The following GINM1 variants were observed in gnomAD, a reference collection of about 807,000 sequenced individuals.
The protein encoded by GINM1 is glycoprotein integral membrane protein 1.
A neutral mutation model predicts 37.8 loss-of-function variants in GINM1; 29 were observed. The observed-to-expected ratio is 0.77, with a 90% CI of 0.57 to 1.05. The LOEUF (loss-of-function observed/expected upper bound fraction) is 1.05. GINM1 is among the 50% of genes least tolerant of loss of function. GINM1 has a pLI of 0.00. For missense variants in GINM1, 377 were observed against 397.9 expected (o/e 0.95, Z 0.45); for synonymous variants, 143 against 146.2 (o/e 0.98, Z 0.16).
At chr6:149,569,913 C>T (rs991037456) in intron 1 of GINM1, among the ~76,000 whole-genome samples, 1 of 151,626 alleles carries the variant, frequency 6.6e-6, no homozygotes, top group Non-Finnish European at 1.5e-5. Flanking sequence ...CCCTGGCTTA[C>T]GAGCCTGAAC....
chr6:149,575,246 C>T (rs1430182483), intron 3 of GINM1, among the ~76,000 whole-genome samples: 4 of 152,206 alleles, frequency 2.6e-5, no homozygotes, highest in African/African-American at 4.8e-5. Context: ...CATTTTCCTT[C>T]GGCCTAAAGA....
rs1210648307 is a variant in GINM1, at chr6:149,566,437, C to T, written c.23C>T (p.Ser8Leu). The change falls in exon 1 of 8, where the codon TCG (serine) becomes TTG (leucine). Residue 8 changes from serine (S) to leucine (L), a missense_variant. By Grantham distance (145) the Ser-to-Leu change is moderately radical. Coordinates refer to ENST00000367419, the MANE Select transcript of GINM1 (RefSeq NM_138785.5). The surrounding 1 kb of genome is among the most constrained non-coding windows in gnomAD (Gnocchi z 4.4). MEGAPPGSLALRLLLFVA... is the reference protein window; with the variant it reads MEGAPPGLLALRLLLFVA... ...AAGATGGAGGGCGCTCCACCGGGGT[C>T]GCTCGCCCTCCGGCTCCTGCTGTTC... 25 of 1,572,448 alleles carry T rather than the reference C, an allele frequency of 1.6e-5. No homozygotes were observed. In the East Asian group the frequency reaches 4.7e-4, roughly 30 times the overall value.
Position 149,572,503 on chromosome 6 carries a change from T to C in GINM1, c.181-4T>C. The C allele has an allele frequency of 6.5e-7, 1 of 1,540,374 alleles. No homozygotes were observed. The highest frequency in any genetic ancestry group is 8.9e-7 in the Non-Finnish European group (1 of 1,125,602). On this transcript the variant is annotated splice_region_variant and splice_polypyrimidine_tract_variant and intron_variant, in intron 2 of 7. Transcript: ENST00000367419. The stretch of plus-strand genomic sequence containing the variant: ...AATTAATGTATATGCTGCTTTATTT[T>C]AAGGTTGTTCTTAACATAACCTATG...
chr6:149,582,570 T>G lies in GINM1; in HGVS notation c.848T>G (p.Ile283Ser). Residue 283 changes from isoleucine to serine, a missense_variant, in exon 7 of 8, where the codon ATC (isoleucine) becomes AGC (serine). Ile to Ser is a moderately radical substitution (Grantham distance 142, BLOSUM62 -2). Coordinates refer to ENST00000367419, the MANE Select transcript of GINM1 (RefSeq NM_138785.5). ...ACAGGAGCAGCTGTGGTAATAACCA[T>G]CTTAAAGGTGTTTTTCCCAGTTTCT... ...GITGAAVVITILKVFFPVSEY... is the reference protein window; with the variant it reads ...GITGAAVVITSLKVFFPVSEY... 2 of 1,591,050 alleles carry G rather than the reference T, an allele frequency of 1.3e-6. No homozygotes were observed. The highest frequency in any genetic ancestry group is 1.7e-6 in the Non-Finnish European group (2 of 1,174,212).
chr6:149,581,334 T>C (rs1331868328), intron 6 of GINM1, among the ~76,000 whole-genome samples: 9 of 152,146 alleles, frequency 5.9e-5, no homozygotes, highest in South Asian at 2.1e-4. Context: ...AATTTTTGTA[T>C]TTTTAGTAGA....
chr6:149,582,423 C>A lies in GINM1; in HGVS notation c.718-17C>A, dbSNP rs373477635. Reference sequence around the variant, plus strand: ...GATTGATGCAACTTGCATATCTAATCGAAATTCCTTTTTCAGGTAATGTGT... The same window carrying A: ...GATTGATGCAACTTGCATATCTAATAGAAATTCCTTTTTCAGGTAATGTGT... On this transcript the variant is annotated splice_polypyrimidine_tract_variant and intron_variant, in intron 6 of 7. Coordinates refer to ENST00000367419, the MANE Select transcript of GINM1 (RefSeq NM_138785.5). The A allele has an allele frequency of 2.5e-6, 4 of 1,595,206 alleles. No homozygotes were observed. Among genetic ancestry groups the A allele is most frequent in the Admixed American group, 1.8e-5 (1 of 54,118 alleles).
chr6:149,576,741 C>T (rs185778334), intron 3 of GINM1, among the ~76,000 whole-genome samples: 58 of 152,228 alleles, frequency 3.8e-4, no homozygotes, highest in African/African-American at 1.0e-3. Flanking sequence ...TTTTGAAAGC[C>T]GCCTACCACA....
intron 1 of GINM1, among the ~76,000 whole-genome samples, chr6:149,570,452 C>A (rs1777802580): frequency 6.6e-6 from 1 of 151,856 alleles, no homozygotes. Context: ...CCGTCTAGAT[C>A]AAGGTGAGCC....
chr6:149,570,190 ATATATAT>A (rs1562269837), intron 1 of GINM1, among the ~76,000 whole-genome samples: 11 of 92,138 alleles, frequency 1.2e-4, no homozygotes, highest in South Asian at 3.3e-4. Context: ...ATATATATAT[ATATATAT>A]AAAGTTCAGT....
At position 149,589,815 on chromosome 6, in the gene GINM1, T is replaced by C. The variant is rs149987067; in HGVS notation, c.882-912T>C. On this transcript the variant is annotated intron_variant, in intron 7 of 7. Coordinates refer to ENST00000367419, the MANE Select transcript of GINM1 (RefSeq NM_138785.5). ...TTACTCTCATGTTTTGTTTTTGTTTTTGAGACAGGGGCTAACTTTGTCACC... is the reference window on the plus strand; with the variant it reads ...TTACTCTCATGTTTTGTTTTTGTTTCTGAGACAGGGGCTAACTTTGTCACC... Among the ~76,000 whole-genome samples the C allele has an allele frequency of 3.5e-3, 532 of 152,202 alleles. 2 individuals carry two copies. Among genetic ancestry groups the C allele is most frequent in the African/African-American group, 0.011 (452 of 41,528 alleles).
intron 1 of GINM1, among the ~76,000 whole-genome samples, chr6:149,568,951 C>G (rs1325686568): frequency 6.6e-6 from 1 of 152,084 alleles, no homozygotes; most frequent in Admixed American, 6.5e-5. Flanking sequence ...CCTATCTCAG[C>G]CTCCTGAGTA....
chr6:149,578,677 C>T (rs891602018), intron 3 of GINM1, 145 bp from the exon 4 acceptor site: 10 of 519,240 alleles, frequency 1.9e-5, no homozygotes, highest in Admixed American at 1.9e-4. Context: ...AAATCTGAAA[C>T]AGCATTGAGG....
intron 6 of GINM1, chr6:149,582,121 T>A (rs776760687): frequency 1.0e-5 from 5 of 488,546 alleles, no homozygotes; most frequent in Non-Finnish European, 2.1e-5. Context: ...ACGAATCTCT[T>A]GTCAATTAGC....
At chr6:149,582,656 G>A (rs1459663487) in intron 7 of GINM1, 53 bp downstream of exon 7, 1 of 1,240,462 alleles carries the variant, frequency 8.1e-7, no homozygotes, top group African/African-American at 1.6e-5. Flanking sequence ...TAAAAAGTGA[G>A]ACATATTTGC....
At position 149,566,521 on chromosome 6, in the gene GINM1, C is replaced by G. The variant is rs969328527; in HGVS notation, c.107C>G (p.Ser36Cys). 6.5e-7 allele frequency: 1 copy of G among 1,527,490 alleles called. No individual in the cohort carries two copies. The highest frequency in any genetic ancestry group is 1.2e-5 in the South Asian group (1 of 82,870). The allele number at this position is 1,527,490 out of a possible 1,614,324, so 94.6% of individuals were successfully genotyped here. ...GGCGCCCCCGAGCCGCCGCCGCTGTCCGGAGCCCCACAGGTAGGGCAGGGC... is the reference window on the plus strand; with the variant it reads ...GGCGCCCCCGAGCCGCCGCCGCTGTGCGGAGCCCCACAGGTAGGGCAGGGC... ...TTGAPEPPPL[S>C]GAPQDGIRIN... Residue 36 changes from serine (S) to cysteine (C), a missense_variant, in exon 1 of 8, where the codon TCC becomes TGC. Coordinates refer to ENST00000367419, the MANE Select transcript of GINM1 (RefSeq NM_138785.5). The surrounding 1 kb of genome is among the most constrained non-coding windows in gnomAD (Gnocchi z 4.4).
chr6:149,581,773 G>T, intron 6 of GINM1, among the ~76,000 whole-genome samples: 1 of 152,142 alleles, frequency 6.6e-6, no homozygotes, highest in East Asian at 1.9e-4. Context: ...AATGAGCAGG[G>T]TCTATGGTTG....
At position 149,566,617 on chromosome 6, in the gene GINM1, A is replaced by G; in HGVS notation, c.120+83A>G. On this transcript the variant is annotated intron_variant, in intron 1 of 7. Coordinates refer to ENST00000367419, the MANE Select transcript of GINM1 (RefSeq NM_138785.5). This position sits in a 1 kb window ranked among gnomAD's most constrained non-coding sequence, Gnocchi z 4.4. ...GGCTGTCCACAGTGACGCTTCCCAC[A>G]TCCCACCGGCGGGCAGGGGCGGGGG... 7.3e-7 allele frequency: 1 copy of G among 1,363,254 alleles called. No individual in the cohort carries two copies. The highest frequency in any genetic ancestry group is 9.5e-7 in the Non-Finnish European group (1 of 1,055,372). The allele number at this position is 1,363,254 out of a possible 1,614,324, so 84.4% of individuals were successfully genotyped here. A position where few individuals can be genotyped will look rare whatever the true frequency, so the allele number is the denominator to read the frequency against.
At chr6:149,578,158 A>C (rs1349787607) in intron 3 of GINM1, 1 of 152,178 alleles carries the variant, frequency 6.6e-6, no homozygotes, top group Non-Finnish European at 1.5e-5. Flanking sequence ...AAAACGTGGG[A>C]TTGGCTGTAT....
intron 7 of GINM1, among the ~76,000 whole-genome samples, chr6:149,584,722 C>T (rs1778045151): frequency 6.6e-6 from 1 of 151,554 alleles, no homozygotes; most frequent in Non-Finnish European, 1.5e-5. Flanking sequence ...CATCCTCAAT[C>T]CAAAATCCAA....
Sources: gnomAD v4.1 joint callset for allele counts (sites outside exome capture counted in the v4.1 genomes callset) on GRCh38, gnomAD v4.1.1 for gene constraint, Gnocchi (gnomAD v3.1) non-coding constraint, MANE v1.5 for transcripts, NCBI Gene and HGNC (gene_info 2026-07-23, HGNC 2026-07-21) for gene names.